CREBRF: variants seen among roughly 807,000 people sequenced by gnomAD.
CREBRF encodes the protein CREB3 regulatory factor.
CREBRF carries 5 observed loss-of-function variants against 66.1 expected under a neutral mutation model. The ratio of observed to expected loss-of-function variants is 0.08; its 90% confidence interval spans 0.04 to 0.16. The LOEUF (loss-of-function observed/expected upper bound fraction) is 0.16, where lower values mean the gene tolerates loss of function less well. Among genes scored for constraint, CREBRF ranks in the 10% least tolerant of loss-of-function variants. CREBRF has a pLI of 1.00. For synonymous variants in CREBRF, 229 were observed against 264.4 expected, an observed-to-expected ratio of 0.87 and a Z score of 1.30; for missense variants, 531 against 744.9, an observed-to-expected ratio of 0.71 and a Z score of 3.34.
At chr5:173,099,511 T>C (rs1273911798) in intron 4 of CREBRF, among the ~76,000 whole-genome samples, 2 of 152,224 alleles carry the variant, frequency 1.3e-5, no homozygotes, top group Non-Finnish European at 2.9e-5. Flanking sequence ...AGTTGGTTCT[T>C]GGTTTTCTAT....
chr5:173,116,466 T>C (rs1343522200), intron 7 of CREBRF, among the ~76,000 whole-genome samples: 1 of 152,230 alleles, frequency 6.6e-6, no homozygotes, highest in African/African-American at 2.4e-5. Flanking sequence ...AGATCTTACA[T>C]TGATGGAATC....
Position 173,110,649 on chromosome 5 carries a change from C to A in CREBRF, c.1545C>A (p.Val515=). ...AGGTGATTAGTGACCTGACTCCAGT[C>A]AGTGAGCTTCCCTTAACAGCCCGAC... ...LNKVISDLTP[V]SELPLTARPR... Residue 515 remains valine (V), a synonymous_variant, in exon 6 of 9, where the codon GTC becomes GTA. Transcript: ENST00000296953. 1 of 1,614,052 alleles carries A rather than the reference C, an allele frequency of 6.2e-7. No homozygotes were observed. Among genetic ancestry groups the A allele is most frequent in the South Asian group, 1.1e-5 (1 of 91,048 alleles).
At position 173,082,014 on chromosome 5, in the gene CREBRF, T is replaced by TTTTTTTTTTTTTGTTTG. The variant is rs1561798858; in HGVS notation, c.9+1242_9+1243insGTTTGTTTTTTTTTTTT. On this transcript the variant is annotated intron_variant, in intron 2 of 8. Coordinates refer to ENST00000296953, the MANE Select transcript of CREBRF (RefSeq NM_153607.3). Reference sequence around the variant, plus strand: ...CCATTCAAGGTTTAGTTTTTTTTTTTTTTTTTTTTTTTTTTTTGAGCTGGA... The same window carrying TTTTTTTTTTTTTGTTTG: ...CCATTCAAGGTTTAGTTTTTTTTTTTTTTTTTTTTTTTGTTTGTTTTTTTTTTTTTTTTTGAGCTGGA... 2.5e-3 allele frequency among the ~76,000 whole-genome samples: 281 copies of TTTTTTTTTTTTTGTTTG among 113,846 alleles called. 4 individuals are homozygous for TTTTTTTTTTTTTGTTTG. The highest frequency in any genetic ancestry group is 6.0e-3 in the South Asian group (17 of 2,826). 74.7% of individuals were successfully genotyped at this position (113,846 alleles called of 152,430 possible). A position where few individuals can be genotyped will look rare whatever the true frequency, so the allele number is the denominator to read the frequency against.
At chr5:173,120,469 TC>T (rs1285206966) in intron 7 of CREBRF, among the ~76,000 whole-genome samples, 3 of 151,368 alleles carry the variant, frequency 2.0e-5, no homozygotes, top group African/African-American at 7.3e-5. Flanking sequence ...AACCTCTGCC[TC>T]CCGGGTTCAA....
intron 7 of CREBRF, among the ~76,000 whole-genome samples, chr5:173,117,557 T>TCCTCTCTC (rs1554126345): frequency 0.053 from 1,142 of 21,432 alleles, 98 homozygotes; most frequent in Middle Eastern, 0.12. Flanking sequence ...CCTCCCCTCT[T>TCCTCTCTC]CCTCCCTCCC....
chr5:173,133,575 C>A, intron 8 of CREBRF, 55 bp from the exon 9 acceptor site: 1 of 996,566 alleles, frequency 1.0e-6, no homozygotes, highest in Non-Finnish European at 1.6e-6. Context: ...TCCTTCCCTT[C>A]CCTTCATGGC....
chr5:173,061,366 C>T (rs1757267839), intron 1 of CREBRF, among the ~76,000 whole-genome samples: 1 of 152,180 alleles, frequency 6.6e-6, no homozygotes, highest in African/African-American at 2.4e-5. Flanking sequence ...CAGTCTCCTG[C>T]CTTGAAGAGA....
At chr5:173,126,086 A>G (rs1021384891) in intron 8 of CREBRF, among the ~76,000 whole-genome samples, 1 of 151,988 alleles carries the variant, frequency 6.6e-6, no homozygotes, top group Non-Finnish European at 1.5e-5. Context: ...TATTTGGACC[A>G]TCTCTGTTTC....
At chr5:173,089,000 A>G (rs1203229158) in intron 3 of CREBRF, among the ~76,000 whole-genome samples, 1 of 151,940 alleles carries the variant, frequency 6.6e-6, no homozygotes, top group African/African-American at 2.4e-5. Context: ...AAGATGGTGA[A>G]ACCTCATCTC....
intron 1 of CREBRF, among the ~76,000 whole-genome samples, chr5:173,080,073 C>T (rs901551705): frequency 1.3e-5 from 2 of 152,128 alleles, no homozygotes; most frequent in Non-Finnish European, 2.9e-5. Context: ...TTGGCATATA[C>T]CATTACAAAT....
At chr5:173,063,711 G>A (rs13172948) in intron 1 of CREBRF, among the ~76,000 whole-genome samples, 73,553 of 150,474 alleles carry the variant, frequency 0.49, 19,012 homozygotes, top group Non-Finnish European at 0.58. Flanking sequence ...TGATTAAAAA[G>A]AATTTTTGTT....
chr5:173,097,486 C>G (rs1295471067), intron 4 of CREBRF, among the ~76,000 whole-genome samples: 4 of 152,178 alleles, frequency 2.6e-5, no homozygotes, highest in Non-Finnish European at 5.9e-5. Context: ...CTCAGTTGAT[C>G]TGCCCGCCTC....
At chr5:173,082,003 G>GTTTTTTTTTTTTTTTTTTTTT (rs869148787) in intron 2 of CREBRF, among the ~76,000 whole-genome samples, 5 of 78,076 alleles carry the variant, frequency 6.4e-5, no homozygotes, top group Non-Finnish European at 9.9e-5. Flanking sequence ...TCAAGGTTTA[G>GTTTTTTTTTTTTTTTTTTTTT]TTTTTTTTTT....
At chr5:173,116,592 A>G (rs371891743) in intron 7 of CREBRF, among the ~76,000 whole-genome samples, 2 of 152,168 alleles carry the variant, frequency 1.3e-5, no homozygotes, top group East Asian at 3.8e-4. Context: ...CTAGTATTCC[A>G]TTGTATGGAT....
chr5:173,130,074 C>T (rs781424198), intron 8 of CREBRF, among the ~76,000 whole-genome samples: 7 of 152,294 alleles, frequency 4.6e-5, no homozygotes, highest in East Asian at 1.9e-4. Context: ...CCACCCACCT[C>T]GGCCTCCCAG....
At position 173,137,018 on chromosome 5, in the gene CREBRF, A is replaced by AT. The variant is rs2113821531; in HGVS notation, c.*3274dup. 6.6e-6 allele frequency: 1 copy of AT among 151,742 alleles called. No homozygotes were observed. Among genetic ancestry groups the AT allele is most frequent in the Admixed American group, 6.6e-5 (1 of 15,224 alleles). The allele number at this position is 151,742 out of a possible 1,614,324, so 9.4% of individuals were successfully genotyped here. ...TAGTTTCAGATACACTGGATTCTTTATAGAGTTTGTCTCCATATGAAAGCA... is the reference window on the plus strand; with the variant it reads ...TAGTTTCAGATACACTGGATTCTTTATTAGAGTTTGTCTCCATATGAAAGCA... On this transcript the variant is annotated 3_prime_UTR_variant, in exon 9 of 9. Coordinates refer to ENST00000296953, the MANE Select transcript of CREBRF (RefSeq NM_153607.3).
intron 2 of CREBRF, chr5:173,085,647 C>T: frequency 1.6e-6 from 1 of 633,230 alleles, no homozygotes; most frequent in East Asian, 2.7e-5. Context: ...GAACTCCTGA[C>T]CTCAGGTGAC....
At position 173,129,106 on chromosome 5, in the gene CREBRF, C is replaced by CTTTTTTTTTTTTT. The variant is rs70984946; in HGVS notation, c.1805-4508_1805-4496dup. Among the ~76,000 whole-genome samples, 12 of 53,750 alleles carry CTTTTTTTTTTTTT rather than the reference C, an allele frequency of 2.2e-4. 2 individuals carry two copies. Among genetic ancestry groups the CTTTTTTTTTTTTT allele is most frequent in the Admixed American group, 5.5e-4 (2 of 3,660 alleles). 35.3% of individuals were successfully genotyped at this position (53,750 alleles called of 152,430 possible). A position where few individuals can be genotyped will look rare whatever the true frequency, so the allele number is the denominator to read the frequency against. ...CTGAATCATTTTATATTAGTTACATCTTTTTTTTTTTTTTTTTTTTTTTTT... is the reference window on the plus strand; with the variant it reads ...CTGAATCATTTTATATTAGTTACATCTTTTTTTTTTTTTTTTTTTTTTTTTTTTTTTTTTTTTT... On this transcript the variant is annotated intron_variant, in intron 8 of 8. Transcript: ENST00000296953.
At chr5:173,062,990 G>A (rs1396838998) in intron 1 of CREBRF, among the ~76,000 whole-genome samples, 83 of 151,950 alleles carry the variant, frequency 5.5e-4, no homozygotes, top group South Asian at 2.1e-4. Flanking sequence ...CTCGTGATCC[G>A]CCCGCCTCGG....
Sources: gnomAD v4.1 joint callset for allele counts (sites outside exome capture counted in the v4.1 genomes callset) on GRCh38, gnomAD v4.1.1 for gene constraint, MANE v1.5 for transcripts, NCBI Gene and HGNC (gene_info 2026-07-23, HGNC 2026-07-21) for gene names.